Variants in SPMIP2 observed in about 807,000 individuals in gnomAD.
SPMIP2 encodes the protein sperm microtubule inner protein 2.
chr4:159,035,290 A>G, the SPMIP2 span: 2 of 544,180 alleles, frequency 3.7e-6, no homozygotes, highest in Non-Finnish European at 6.5e-6. Flanking sequence ...TCCAATCTCC[A>G]AGAGCAGAGA....
chr4:159,000,800 A>G, the SPMIP2 span, among the ~76,000 whole-genome samples: 1 of 151,396 alleles, frequency 6.6e-6, no homozygotes, highest in Non-Finnish European at 1.5e-5. Context: ...CTGGCTCCCT[A>G]CACTAAGCAT....
At chr4:158,956,875 A>C in the SPMIP2 span, among the ~76,000 whole-genome samples, 4 of 152,278 alleles carry the variant, frequency 2.6e-5, no homozygotes, top group African/African-American at 9.6e-5. Context: ...AGCCCACTGA[A>C]AACTCAAGAT....
chr4:158,960,731 A>T, the SPMIP2 span, among the ~76,000 whole-genome samples: 3 of 152,138 alleles, frequency 2.0e-5, no homozygotes, highest in South Asian at 4.1e-4. Flanking sequence ...CTCCTTACAG[A>T]ATCAAAAAAA....
the SPMIP2 span, among the ~76,000 whole-genome samples, chr4:159,059,111 G>T: frequency 6.6e-6 from 1 of 152,170 alleles, no homozygotes; most frequent in South Asian, 2.1e-4. Flanking sequence ...TTAGTAAAAT[G>T]AACAAAAACA....
the SPMIP2 span, chr4:158,960,207 A>C: frequency 1.8e-5 from 16 of 869,306 alleles, no homozygotes; most frequent in African/African-American, 3.4e-5. Context: ...ATATACTTAA[A>C]AGTTTACAAA....
At chr4:158,956,650 T>C in the SPMIP2 span, among the ~76,000 whole-genome samples, 1 of 152,222 alleles carries the variant, frequency 6.6e-6, no homozygotes, top group Non-Finnish European at 1.5e-5. Flanking sequence ...CATGTGACAA[T>C]CTCTGACATT....
chr4:158,998,415 ATAAG>A, the SPMIP2 span, among the ~76,000 whole-genome samples: 1 of 152,232 alleles, frequency 6.6e-6, no homozygotes, highest in South Asian at 2.1e-4. Context: ...AACTGCAAAA[ATAAG>A]TATTTCATTT....
the SPMIP2 span, among the ~76,000 whole-genome samples, chr4:158,961,040 G>C: frequency 1.3e-5 from 2 of 152,042 alleles, no homozygotes; most frequent in Admixed American, 6.6e-5. Flanking sequence ...ATATTGAAAA[G>C]CGTATTGGTC....
At chr4:158,955,305 T>C in the SPMIP2 span, among the ~76,000 whole-genome samples, 3 of 152,228 alleles carry the variant, frequency 2.0e-5, no homozygotes, top group East Asian at 1.9e-4. Flanking sequence ...TACAAATTTT[T>C]AGATTCTGAG....
chr4:158,995,389 A>G, the SPMIP2 span, among the ~76,000 whole-genome samples: 1 of 152,218 alleles, frequency 6.6e-6, no homozygotes, highest in African/African-American at 2.4e-5. Context: ...TTCAGTCACA[A>G]AGAATTAGAG....
At chr4:159,075,116 C>T in the SPMIP2 span, among the ~76,000 whole-genome samples, 1 of 152,202 alleles carries the variant, frequency 6.6e-6, no homozygotes, top group Non-Finnish European at 1.5e-5. Context: ...AGCAAGCAAA[C>T]AACAGAGTCC....
chr4:158,963,171 G>C, the SPMIP2 span, among the ~76,000 whole-genome samples: 1 of 151,976 alleles, frequency 6.6e-6, no homozygotes, highest in Non-Finnish European at 1.5e-5. Context: ...AAATATAGTA[G>C]AGAGAGACAT....
the SPMIP2 span, among the ~76,000 whole-genome samples, chr4:159,034,820 G>A: frequency 6.6e-6 from 1 of 152,122 alleles, no homozygotes; most frequent in Non-Finnish European, 1.5e-5. Flanking sequence ...GAACCCAGGT[G>A]GCGGAGGTTG....
At chr4:158,969,391 A>AT in the SPMIP2 span, among the ~76,000 whole-genome samples, 1,202 of 151,606 alleles carry the variant, frequency 7.9e-3, 18 homozygotes, top group African/African-American at 0.027. Context: ...GACCAAATCC[A>AT]TTTTTTTTTA....
At chr4:158,931,376 A>G in the SPMIP2 span, among the ~76,000 whole-genome samples, 1 of 152,112 alleles carries the variant, frequency 6.6e-6, no homozygotes, top group African/African-American at 2.4e-5. Context: ...CAGCCTCCCA[A>G]GCAGCTGGGA....
chr4:159,048,295 C>G, the SPMIP2 span, among the ~76,000 whole-genome samples: 1 of 152,158 alleles, frequency 6.6e-6, no homozygotes, highest in African/African-American at 2.4e-5. Context: ...TTGTTAGCCT[C>G]GTAGGCAGGG....
At chr4:158,982,041 G>GCAAA in the SPMIP2 span, among the ~76,000 whole-genome samples, 1 of 151,898 alleles carries the variant, frequency 6.6e-6, no homozygotes, top group Non-Finnish European at 1.5e-5. Flanking sequence ...TATTTACAAA[G>GCAAA]TGGAAACCAA....
chr4:159,010,732 C>G, the SPMIP2 span, among the ~76,000 whole-genome samples: 1 of 152,160 alleles, frequency 6.6e-6, no homozygotes, highest in Non-Finnish European at 1.5e-5. Flanking sequence ...ATTGTGTCAG[C>G]TTTGTTGGCA....
the SPMIP2 span, among the ~76,000 whole-genome samples, chr4:158,977,197 G>T: frequency 6.6e-6 from 1 of 152,102 alleles, no homozygotes. Flanking sequence ...CACCCCCCTG[G>T]TAGAATTCGG....
Sources: allele counts gnomAD v4.1 joint callset (sites outside exome capture counted in the v4.1 genomes callset), GRCh38; gene constraint gnomAD v4.1.1; transcripts MANE v1.5; gene names NCBI Gene and HGNC (gene_info 2026-07-23, HGNC 2026-07-21).